PIEZO1: variants seen among roughly 807,000 people sequenced by gnomAD.
The protein encoded by PIEZO1 is piezo type mechanosensitive ion channel component 1 (Er blood group), also known as piezo-type mechanosensitive ion channel component 1.
Under a neutral mutation model 297.2 loss-of-function variants are expected in PIEZO1, and 296 were observed. The observed-to-expected ratio is 1.00, with a 90% confidence interval of 0.91 to 1.10. PIEZO1 has a LOEUF of 1.10. Ranked by LOEUF, PIEZO1 falls within the 50% of genes least tolerant of loss-of-function variation. The pLI, the probability that PIEZO1 is intolerant of heterozygous loss-of-function variation, is 0.00. For missense variants in PIEZO1, 5,018 were observed against 3,455.5 expected (o/e 1.45, Z -11.34); for synonymous variants, 2,427 against 1,507.5 (o/e 1.61, Z -14.13).
At chr16:88,719,461 C>T (rs1037478017) in intron 44 of PIEZO1, 113 bp downstream of exon 44, 35 of 1,038,636 alleles carry the variant, frequency 3.4e-5, no homozygotes, top group African/African-American at 4.8e-5. Flanking sequence ...CCATGGGCTC[C>T]GAGCCCTGGG....
chr16:88,723,068 C>G, intron 33 of PIEZO1, 27 bp downstream of exon 33: 5 of 1,545,728 alleles, frequency 3.2e-6, no homozygotes, highest in Non-Finnish European at 3.5e-6. Context: ...GAGAGACCTC[C>G]CACTCCCCAG....
intron 17 of PIEZO1, 55 bp downstream of exon 17, chr16:88,733,851 C>T: frequency 6.8e-7 from 1 of 1,463,612 alleles, no homozygotes; most frequent in South Asian, 1.4e-5. Context: ...GCCCCCCGAG[C>T]TGGGACATGG....
chr16:88,737,920 T>C lies in PIEZO1; in HGVS notation c.1020+14A>G, dbSNP rs956707579. 6 of 1,529,954 alleles carry C rather than the reference T, an allele frequency of 3.9e-6. No individual in the cohort carries two copies. In the East Asian group the frequency reaches 1.2e-4, roughly 31 times the overall value. 94.8% of individuals were successfully genotyped at this position (1,529,954 alleles called of 1,614,324 possible). On this transcript the variant is annotated intron_variant, in intron 8 of 50. Coordinates refer to ENST00000301015, the MANE Select transcript of PIEZO1 (RefSeq NM_001142864.4). ...CTGGCCTCAGCCCACCCACCATGGG[T>C]GGCAGGTGCTCACCTGGCCGGAGGG...
chr16:88,725,191 C>G, intron 29 of PIEZO1, 111 bp from the exon 30 acceptor site: 1 of 800,326 alleles, frequency 1.2e-6, no homozygotes, highest in Non-Finnish European at 1.9e-6. Context: ...CACGGACACC[C>G]ACAGTGACGG....
At chr16:88,765,657 C>T (rs1014098132) in intron 1 of PIEZO1, among the ~76,000 whole-genome samples, 6 of 150,422 alleles carry the variant, frequency 4.0e-5, no homozygotes, top group Middle Eastern at 3.4e-3. Flanking sequence ...GAGCCCAAGT[C>T]GTTATCTCTA....
rs566030788 is a variant in PIEZO1, at chr16:88,716,806, C to G, written c.6753G>C (p.Pro2251=). The change falls in exon 46 of 51, where the codon CCG becomes CCC. Residue 2251 remains proline, a splice_region_variant and synonymous_variant. Transcript: ENST00000301015. ...EELSRQFDPQ[P]LAMQFISQYS... ...CTTTCACAGGGCAGAGGCCACTTAC[C>G]GGCTGGGGGTCAAACTGCCGGGACA... 6.5e-7 allele frequency: 1 copy of G among 1,549,942 alleles called. No homozygotes were observed. Among genetic ancestry groups the G allele is most frequent in the South Asian group, 1.2e-5 (1 of 84,070 alleles).
At chr16:88,756,296 A>G (rs1459587043) in intron 1 of PIEZO1, among the ~76,000 whole-genome samples, 1 of 152,112 alleles carries the variant, frequency 6.6e-6, no homozygotes, top group Non-Finnish European at 1.5e-5. Context: ...GCCTAGAAGG[A>G]TCCTAAGAGG....
At chr16:88,732,945 G>A in intron 19 of PIEZO1, 1 of 593,630 alleles carries the variant, frequency 1.7e-6, no homozygotes, top group East Asian at 2.8e-5. Context: ...AGTGAAGAGA[G>A]GTCCAGGGAG....
chr16:88,750,742 G>C (rs148721852), intron 1 of PIEZO1, among the ~76,000 whole-genome samples: 19 of 152,348 alleles, frequency 1.2e-4, no homozygotes, highest in Admixed American at 4.6e-4. Flanking sequence ...CCTCGCAGGG[G>C]ACCTGAGGGA....
chr16:88,749,050 T>C (rs11643820), intron 2 of PIEZO1, among the ~76,000 whole-genome samples: 2 of 150,684 alleles, frequency 1.3e-5, no homozygotes, highest in South Asian at 4.2e-4. Context: ...ATCCTGGCTA[T>C]CACGGTGAAA....
intron 30 of PIEZO1, 21 bp from the exon 31 acceptor site, chr16:88,723,992 G>A: frequency 1.4e-6 from 2 of 1,424,306 alleles, no homozygotes; most frequent in Middle Eastern, 1.7e-4. Context: ...GCAGCACTGA[G>A]AGCCAGCCTT....
At chr16:88,757,532 C>G (rs113315959) in intron 1 of PIEZO1, among the ~76,000 whole-genome samples, 5 of 29,462 alleles carry the variant, frequency 1.7e-4, no homozygotes, top group African/African-American at 8.5e-4. Context: ...AAGAGCTTCT[C>G]AAAGGAAGTG....
intron 27 of PIEZO1, 77 bp downstream of exon 27, chr16:88,726,207 A>C (rs1017676812): frequency 5.5e-6 from 7 of 1,275,208 alleles, no homozygotes; most frequent in Non-Finnish European, 7.5e-6. Flanking sequence ...CCGGGGCCTG[A>C]GACAGTGAGG....
At position 88,733,768 on chromosome 16, in the gene PIEZO1, G is replaced by T. The variant is rs11649478; in HGVS notation, c.2330-23C>A. 162,866 of 1,511,598 alleles carry T rather than the reference G, an allele frequency of 0.11. 9,771 individuals carry two copies. Among genetic ancestry groups the T allele is most frequent in the Non-Finnish European group, 0.13 (141,310 of 1,125,596 alleles). 93.6% of individuals were successfully genotyped at this position (1,511,598 alleles called of 1,614,324 possible). ...CCCCTGTGATGGTGTGAGGGTCAGT[G>T]CGGGGCACAAACGGGGATTCCCGGG... On this transcript the variant is annotated intron_variant, in intron 17 of 50. Coordinates refer to ENST00000301015, the MANE Select transcript of PIEZO1 (RefSeq NM_001142864.4).
At chr16:88,721,069 A>G in intron 39 of PIEZO1, 97 bp downstream of exon 39, 1 of 1,250,526 alleles carries the variant, frequency 8.0e-7, no homozygotes, top group Non-Finnish European at 1.1e-6. Flanking sequence ...TGGGCCTCGC[A>G]CTGGGCTTGG....
rs932754367 is a variant in PIEZO1 at position 88,722,200 on chromosome 16, T to G, written c.4955+18A>C. The G allele has an allele frequency of 3.1e-5, 48 of 1,541,328 alleles. No homozygotes were observed. In the African/African-American group the frequency reaches 5.7e-4, roughly 18 times the overall value. ...GAGGGCCATGGTGAGGCTGGTGTTG[T>G]GCGCGTCCCGCCCCCACCTGTCCAG... On this transcript the variant is annotated intron_variant, in intron 36 of 50. Transcript: ENST00000301015.
intron 1 of PIEZO1, among the ~76,000 whole-genome samples, chr16:88,762,296 G>T (rs1423793982): frequency 6.6e-6 from 1 of 152,136 alleles, no homozygotes; most frequent in Non-Finnish European, 1.5e-5. Flanking sequence ...CAGAGGGGCG[G>T]TGACAAAGTA....
In PIEZO1 at chr16:88,722,440, C is replaced by A. The variant is rs1255413444; in HGVS notation, c.4776-43G>T. The A allele has an allele frequency of 3.4e-6, 5 of 1,469,016 alleles. No individual in the cohort carries two copies. The East Asian group carries it at 1.0e-4, about 29-fold the overall frequency. The allele number at this position is 1,469,016 out of a possible 1,614,324, so 91.0% of individuals were successfully genotyped here. The stretch of plus-strand genomic sequence containing the variant: ...GTCACAGAGAATCCTGCTCTATGGC[C>A]TGACCCCAGGCTACAGGGAGGGTCA... On this transcript the variant is annotated intron_variant, in intron 35 of 50. Transcript: ENST00000301015.
intron 12 of PIEZO1, among the ~76,000 whole-genome samples, chr16:88,735,485 A>G (rs184369397): frequency 2.6e-5 from 4 of 152,406 alleles, no homozygotes; most frequent in Admixed American, 2.6e-4. Flanking sequence ...GCTCACACGC[A>G]GAGTCACACA....
Sources: allele counts gnomAD v4.1 joint callset (sites outside exome capture counted in the v4.1 genomes callset), GRCh38; gene constraint gnomAD v4.1.1; transcripts MANE v1.5; gene names NCBI Gene and HGNC (gene_info 2026-07-23, HGNC 2026-07-21).